ZNF280D: variants seen among roughly 807,000 people sequenced by gnomAD.
The protein encoded by ZNF280D is zinc finger protein 280D, also known as suppressor of hairy wing homolog 4.
In ZNF280D, 39 loss-of-function variants were observed where a neutral mutation model predicts 94.7. That is an observed-to-expected ratio of 0.41 (90% CI 0.32 to 0.54). The LOEUF (loss-of-function observed/expected upper bound fraction) is 0.54, where lower values mean the gene tolerates loss of function less well. ZNF280D is among the 20% of genes least tolerant of loss of function. The pLI is 0.22. For synonymous variants in ZNF280D, 398 were observed against 377.6 expected (o/e 1.05, Z -0.63); for missense variants, 1,090 against 1,149.3 (o/e 0.95, Z 0.75).
intron 19 of ZNF280D, among the ~76,000 whole-genome samples, chr15:56,648,576 G>C (rs980920099): frequency 2.0e-5 from 3 of 152,014 alleles, no homozygotes; most frequent in African/African-American, 4.8e-5. Context: ...AATTTAAATT[G>C]AGGCTCTCCA....
chr15:56,698,976 AACC>A (rs1399242316), intron 6 of ZNF280D: 1 of 152,128 alleles, frequency 6.6e-6, no homozygotes, highest in African/African-American at 2.4e-5. Flanking sequence ...TTAAGCAGAA[AACC>A]CACCTAAGCC....
intron 3 of ZNF280D, among the ~76,000 whole-genome samples, chr15:56,704,973 G>C (rs1413951603): frequency 6.6e-6 from 1 of 151,246 alleles, no homozygotes; most frequent in African/African-American, 2.4e-5. Context: ...GACAGATTGA[G>C]AGTATGTCTT....
At chr15:56,682,162 T>TA (rs1391828803) in intron 10 of ZNF280D, 92 bp downstream of exon 10, 35 of 903,872 alleles carry the variant, frequency 3.9e-5, no homozygotes, top group Non-Finnish European at 4.6e-5. Flanking sequence ...ATCACTTACC[T>TA]AGAATGGCAT....
chr15:56,680,804 C>T (rs1391092073), intron 10 of ZNF280D, among the ~76,000 whole-genome samples: 2 of 151,890 alleles, frequency 1.3e-5, no homozygotes, highest in African/African-American at 4.8e-5. Context: ...ATTAAATGGG[C>T]TAATCTTAAA....
chr15:56,728,081 G>A (rs1039252768), intron 1 of ZNF280D, among the ~76,000 whole-genome samples: 2 of 151,684 alleles, frequency 1.3e-5, no homozygotes, highest in East Asian at 3.9e-4. Context: ...ACCCAGGCTG[G>A]AGTGCAGTGA....
At chr15:56,705,532 C>T (rs1055249682) in intron 3 of ZNF280D, among the ~76,000 whole-genome samples, 2 of 152,116 alleles carry the variant, frequency 1.3e-5, no homozygotes, top group Non-Finnish European at 2.9e-5. Flanking sequence ...ATCTATAACA[C>T]AAGTATGATA....
Position 56,632,033 on chromosome 15 carries a change from C to T in ZNF280D, c.2405G>A (p.Ser802Asn), listed in dbSNP as rs745600359. ...ATTTTCCTTATCTGAAACTGTTATG[C>T]TTTCTTCACTTTTTGTTGTTGATGA... ...EGSSTTKSEE[S>N]ITVSDKENET... The change falls in exon 22 of 22, where the codon AGC becomes AAC. Residue 802 changes from serine (S) to asparagine (N), a missense_variant. This residue lies in a region of ZNF280D where 577 missense variants were observed against 568.8 expected (regional missense o/e 1.01). Coordinates refer to ENST00000267807, the MANE Select transcript of ZNF280D (RefSeq NM_017661.4). 6.2e-7 allele frequency: 1 copy of T among 1,613,190 alleles called. No individual in the cohort carries two copies. The highest frequency in any genetic ancestry group is 1.3e-5 in the African/African-American group (1 of 74,914).
At chr15:56,710,359 G>C (rs971973167) in intron 1 of ZNF280D, among the ~76,000 whole-genome samples, 14 of 152,088 alleles carry the variant, frequency 9.2e-5, no homozygotes, top group Admixed American at 2.6e-4. Flanking sequence ...AGTGAGCTGA[G>C]ACTGCACCAC....
chr15:56,699,464 C>G (rs2056932580), intron 6 of ZNF280D: 1 of 841,168 alleles, frequency 1.2e-6, no homozygotes, highest in Non-Finnish European at 1.4e-6. Flanking sequence ...AGATATTAAT[C>G]TATACCCAGT....
At chr15:56,718,116 T>C (rs1567034888) in intron 1 of ZNF280D, among the ~76,000 whole-genome samples, 1 of 147,576 alleles carries the variant, frequency 6.8e-6, no homozygotes, top group Non-Finnish European at 1.5e-5. Context: ...ATTATTTCAG[T>C]AAAAAAAAAA....
At chr15:56,684,092 G>A (rs529046094) in intron 9 of ZNF280D, among the ~76,000 whole-genome samples, 1 of 152,304 alleles carries the variant, frequency 6.6e-6, no homozygotes, top group African/African-American at 2.4e-5. Context: ...ATTCAGTACA[G>A]AGAAGCAGAA....
intron 19 of ZNF280D, among the ~76,000 whole-genome samples, chr15:56,643,708 C>T (rs1423700603): frequency 1.3e-5 from 2 of 151,794 alleles, no homozygotes; most frequent in Non-Finnish European, 3.0e-5. Flanking sequence ...GCAGAAATGA[C>T]TAAATATTAT....
intron 13 of ZNF280D, among the ~76,000 whole-genome samples, chr15:56,674,093 T>C (rs764873237): frequency 6.6e-6 from 1 of 152,084 alleles, no homozygotes; most frequent in Non-Finnish European, 1.5e-5. Context: ...AAGCAGCCCC[T>C]AGCACATACT....
At chr15:56,640,200 A>G (rs1031386551) in intron 20 of ZNF280D, among the ~76,000 whole-genome samples, 5 of 152,128 alleles carry the variant, frequency 3.3e-5, no homozygotes, top group Non-Finnish European at 2.9e-5. Context: ...CTATTCTGCA[A>G]TCAGTGCTAT....
At chr15:56,691,305 A>G (rs1260517694) in intron 7 of ZNF280D, among the ~76,000 whole-genome samples, 1 of 152,144 alleles carries the variant, frequency 6.6e-6, no homozygotes, top group Admixed American at 6.5e-5. Context: ...TCCATCTTCA[A>G]AATACTCGAT....
chr15:56,713,021 T>G (rs1030730404), intron 1 of ZNF280D, among the ~76,000 whole-genome samples: 1 of 152,176 alleles, frequency 6.6e-6, no homozygotes, highest in Non-Finnish European at 1.5e-5. Context: ...ATTACAGGTG[T>G]GAGCCACCAT....
At chr15:56,687,724 C>T (rs1369654923) in intron 9 of ZNF280D, among the ~76,000 whole-genome samples, 1 of 152,064 alleles carries the variant, frequency 6.6e-6, no homozygotes, top group Non-Finnish European at 1.5e-5. Context: ...CAAAACATTA[C>T]ACAGAAGAGG....
At chr15:56,696,487 T>C (rs2056755455) in intron 6 of ZNF280D, among the ~76,000 whole-genome samples, 1 of 152,168 alleles carries the variant, frequency 6.6e-6, no homozygotes, top group African/African-American at 2.4e-5. Context: ...GAGCTGGAAA[T>C]AGAATCCAGG....
At chr15:56,730,486 C>T (rs2058832214) in intron 1 of ZNF280D, 1 of 152,160 alleles carries the variant, frequency 6.6e-6, no homozygotes, top group African/African-American at 2.4e-5. Flanking sequence ...TAATAGAACA[C>T]TGGAATGAAA....
Sources: gnomAD v4.1 joint callset for allele counts (sites outside exome capture counted in the v4.1 genomes callset) on GRCh38, gnomAD v4.1.1 for gene constraint, gnomAD v4.1.1 regional missense constraint, MANE v1.5 for transcripts, NCBI Gene and HGNC (gene_info 2026-07-23, HGNC 2026-07-21) for gene names.